ATP2C1: variants seen among roughly 807,000 people sequenced by gnomAD.
The protein encoded by ATP2C1 is calcium-transporting ATPase type 2C member 1.
Under a neutral mutation model 120.5 loss-of-function variants are expected in ATP2C1, and 31 were observed. That is an observed-to-expected ratio of 0.26 (90% CI 0.19 to 0.35). The LOEUF (loss-of-function observed/expected upper bound fraction) is 0.35. Among genes scored for constraint, ATP2C1 ranks in the 10% least tolerant of loss-of-function variants. The pLI is 1.00. For missense variants in ATP2C1, 731 were observed against 1,107.5 expected (o/e 0.66, Z 4.83); for synonymous variants, 351 against 358.7 (o/e 0.98, Z 0.24).
At position 130,941,294 on chromosome 3, in the gene ATP2C1, A is replaced by G. The variant is rs569448620; in HGVS notation, c.423-297A>G. ...TGTGTGTGCGCGCACGCGCGCATGC[A>G]TGCGCGTGTCCATGCGCAAGTGTGT... On this transcript the variant is annotated intron_variant, in intron 7 of 27. Transcript: ENST00000510168. 2.0e-5 allele frequency among the ~76,000 whole-genome samples: 3 copies of G among 148,700 alleles called. No homozygotes were observed. In the East Asian group the frequency reaches 5.8e-4, roughly 29 times the overall value.
At chr3:130,957,905 TTATC>T (rs1285288800) in intron 11 of ATP2C1, among the ~76,000 whole-genome samples, 2 of 152,206 alleles carry the variant, frequency 1.3e-5, no homozygotes, top group Non-Finnish European at 2.9e-5. Flanking sequence ...GTAATTCTGT[TTATC>T]CATCTATCTT....
At chr3:130,989,277 AC>A (rs1219027559) in intron 20 of ATP2C1, among the ~76,000 whole-genome samples, 3 of 148,148 alleles carry the variant, frequency 2.0e-5, no homozygotes, top group Non-Finnish European at 3.0e-5. Context: ...AAACAAACAC[AC>A]AAAAAAACGG....
Position 131,012,263 on chromosome 3 carries a change from T to C in ATP2C1, c.2630-3889T>C, listed in dbSNP as rs538707966. Among the ~76,000 whole-genome samples the C allele has an allele frequency of 5.5e-3, 809 of 146,960 alleles. 12 individuals carry two copies. Among genetic ancestry groups the C allele is most frequent in the African/African-American group, 0.019 (774 of 39,940 alleles). ...TCTTACATGGTTTTTCTTTTTTCTTTTTTTTTTTTTTTTTGAGACAGTCTT... is the reference window on the plus strand; with the variant it reads ...TCTTACATGGTTTTTCTTTTTTCTTCTTTTTTTTTTTTTTGAGACAGTCTT... On this transcript the variant is annotated intron_variant, in intron 26 of 26. Transcript: ENST00000328560.
At chr3:130,930,097 A>G in intron 2 of ATP2C1, 1 of 377,420 alleles carries the variant, frequency 2.6e-6, no homozygotes, top group South Asian at 2.1e-5. Context: ...ATTTGTAATC[A>G]TCAGGATCTG....
At chr3:130,920,095 C>A (rs1483172152) in intron 2 of ATP2C1, among the ~76,000 whole-genome samples, 1 of 152,116 alleles carries the variant, frequency 6.6e-6, no homozygotes, top group Non-Finnish European at 1.5e-5. Flanking sequence ...AGACTAGCCC[C>A]TTGTCAGATG....
chr3:130,890,625 A>G (rs1324207133), upstream of ATP2C1, among the ~76,000 whole-genome samples: 1 of 152,220 alleles, frequency 6.6e-6, no homozygotes, highest in Non-Finnish European at 1.5e-5. Context: ...TCTGGGTGCT[A>G]TTAAAACCAA....
chr3:130,994,720 T>G (rs1254498801), intron 22 of ATP2C1, among the ~76,000 whole-genome samples: 1 of 152,162 alleles, frequency 6.6e-6, no homozygotes, highest in Non-Finnish European at 1.5e-5. Context: ...ATTCCAATTA[T>G]ATGTTCCAGG....
At chr3:130,865,690 G>T (rs1018935558) in intron 1 of ATP2C1, among the ~76,000 whole-genome samples, 7 of 152,138 alleles carry the variant, frequency 4.6e-5, no homozygotes, top group African/African-American at 7.2e-5. Context: ...TTCTGCTTTT[G>T]CTTCTTCCTC....
intron 2 of ATP2C1, among the ~76,000 whole-genome samples, chr3:130,920,972 G>C (rs999783184): frequency 3.3e-5 from 5 of 151,314 alleles, no homozygotes; most frequent in African/African-American, 1.2e-4. Flanking sequence ...GATAGTTAGT[G>C]TATGGAAACA....
At chr3:130,926,634 A>T (rs1163831797) in intron 2 of ATP2C1, among the ~76,000 whole-genome samples, 1 of 152,222 alleles carries the variant, frequency 6.6e-6, no homozygotes, top group African/African-American at 2.4e-5. Context: ...GGCTCAAACT[A>T]TTAAACCAAG....
chr3:130,880,585 A>T (rs1343759593), intron 1 of ATP2C1, among the ~76,000 whole-genome samples: 1 of 152,230 alleles, frequency 6.6e-6, no homozygotes, highest in African/African-American at 2.4e-5. Context: ...AAGCTAAAGG[A>T]TTAACAATTT....
intron 1 of ATP2C1, among the ~76,000 whole-genome samples, chr3:130,851,104 T>C (rs2067661217): frequency 6.6e-6 from 1 of 152,218 alleles, no homozygotes; most frequent in South Asian, 2.1e-4. Context: ...AGAATTTATT[T>C]AAACTTGGAA....
In ATP2C1 at chr3:130,955,087, A is replaced by G. The variant is rs2060521741; in HGVS notation, c.756+7A>G. 1.9e-6 allele frequency: 3 copies of G among 1,573,132 alleles called. No individual in the cohort carries two copies. The highest frequency in any genetic ancestry group is 1.7e-6 in the Non-Finnish European group (2 of 1,143,222). On this transcript the variant is annotated splice_region_variant and intron_variant, in intron 10 of 27. Transcript: ENST00000510168. ...AATGATGCAAGCAGAAGAGGTGAGT[A>G]CTTAATATGTTAATGATGTATTTGT...
At chr3:130,995,941 G>A (rs934040438) in intron 22 of ATP2C1, 102 bp from the exon 23 acceptor site, 102 of 847,364 alleles carry the variant, frequency 1.2e-4, no homozygotes, top group Middle Eastern at 1.0e-3. Flanking sequence ...CACAGTGCCC[G>A]GTTGGAAATT....
intron 1 of ATP2C1, among the ~76,000 whole-genome samples, chr3:130,883,602 C>A (rs2068857707): frequency 6.6e-6 from 1 of 152,006 alleles, no homozygotes; most frequent in Non-Finnish European, 1.5e-5. Flanking sequence ...TAGGCACCTG[C>A]CACGACGCCC....
chr3:130,857,570 G>A (rs2067882074), intron 1 of ATP2C1, among the ~76,000 whole-genome samples: 1 of 152,186 alleles, frequency 6.6e-6, no homozygotes, highest in African/African-American at 2.4e-5. Flanking sequence ...TGGTCTCCCA[G>A]TAATCCACAC....
chr3:131,015,878 A>G (rs573147372), intron 26 of ATP2C1: 1 of 535,720 alleles, frequency 1.9e-6, no homozygotes, highest in Admixed American at 2.7e-5. Context: ...CCTCTCCCAC[A>G]TATTAATGTA....
chr3:130,910,129 T>G (rs938742785), intron 2 of ATP2C1, among the ~76,000 whole-genome samples: 2 of 152,156 alleles, frequency 1.3e-5, no homozygotes, highest in African/African-American at 2.4e-5. Flanking sequence ...GAATTTTGTT[T>G]TGGTTTGTAG....
intron 2 of ATP2C1, among the ~76,000 whole-genome samples, chr3:130,908,735 A>C (rs1006813377): frequency 2.0e-5 from 3 of 151,994 alleles, no homozygotes; most frequent in Non-Finnish European, 2.9e-5. Flanking sequence ...TGTCAGTTTG[A>C]TTGTTTTATA....
Sources: allele counts gnomAD v4.1 joint callset (sites outside exome capture counted in the v4.1 genomes callset), GRCh38; gene constraint gnomAD v4.1.1; transcripts MANE v1.5; gene names NCBI Gene and HGNC (gene_info 2026-07-23, HGNC 2026-07-21).